Variants in DLGAP2 observed in about 807,000 individuals in gnomAD.
DLGAP2 encodes the protein DLG associated protein 2.
In DLGAP2, 26 loss-of-function variants were observed where a neutral mutation model predicts 100.3. The ratio of observed to expected loss-of-function variants is 0.26; its 90% confidence interval spans 0.19 to 0.36. The LOEUF (loss-of-function observed/expected upper bound fraction) is 0.36, where lower values mean the gene tolerates loss of function less well. Ranked by LOEUF, DLGAP2 falls within the 10% of genes least tolerant of loss-of-function variation. DLGAP2 has a pLI of 1.00. For missense variants in DLGAP2, 1,858 were observed against 1,453.2 expected, an observed-to-expected ratio of 1.28 and a Z score of -4.53; for synonymous variants, 886 against 630.1, an observed-to-expected ratio of 1.41 and a Z score of -6.08.
chr8:1,467,130 G>A (rs1402618074), intron 3 of DLGAP2, among the ~76,000 whole-genome samples: 1 of 151,760 alleles, frequency 6.6e-6, no homozygotes, highest in Non-Finnish European at 1.5e-5. Context: ...TCCGGCAGGG[G>A]CCTGGGAGGG....
intron 3 of DLGAP2, among the ~76,000 whole-genome samples, chr8:1,435,533 G>C (rs1797593731): frequency 6.6e-6 from 1 of 152,178 alleles, no homozygotes; most frequent in South Asian, 2.1e-4. Flanking sequence ...TGTAGCCGTA[G>C]AGGGATGCGC....
At chr8:1,304,334 G>A (rs1800439285) in intron 3 of DLGAP2, among the ~76,000 whole-genome samples, 1 of 152,208 alleles carries the variant, frequency 6.6e-6, no homozygotes, top group Non-Finnish European at 1.5e-5. Flanking sequence ...AGACGACACA[G>A]ATGTCTCACT....
At chr8:1,523,680 G>A (rs1800690488) in intron 4 of DLGAP2, among the ~76,000 whole-genome samples, 1 of 152,202 alleles carries the variant, frequency 6.6e-6, no homozygotes, top group Non-Finnish European at 1.5e-5. Flanking sequence ...GGAGCCGTCT[G>A]CATTTTATTT....
chr8:1,583,621 C>T (rs1796019836), intron 6 of DLGAP2, among the ~76,000 whole-genome samples: 4 of 152,200 alleles, frequency 2.6e-5, no homozygotes, highest in Non-Finnish European at 5.9e-5. Flanking sequence ...TCCTGTGTTT[C>T]TAAGCCCAGC....
intron 2 of DLGAP2, among the ~76,000 whole-genome samples, chr8:1,062,350 A>G (rs1803110029): frequency 6.6e-6 from 1 of 152,156 alleles, no homozygotes; most frequent in South Asian, 2.1e-4. Context: ...GGAGCCTCGG[A>G]GGCACACTCG....
chr8:1,539,868 C>T (rs993815674), intron 4 of DLGAP2, among the ~76,000 whole-genome samples: 43 of 139,210 alleles, frequency 3.1e-4, no homozygotes, highest in African/African-American at 1.2e-3. Flanking sequence ...CCTTCCCTGC[C>T]TTCTTCCTGT....
chr8:1,189,757 C>G lies in DLGAP2; in HGVS notation c.74-69094C>G, dbSNP rs373224300. On this transcript the variant is annotated intron_variant, in intron 2 of 14. Coordinates refer to ENST00000637795, the MANE Select transcript of DLGAP2 (RefSeq NM_001346810.2). ...CCAATAGGCATTTGTGTTCAGGACA[C>G]GGCAGATACAGCCGCCTGCCTGGGC... Among the ~76,000 whole-genome samples the G allele has an allele frequency of 1.4e-3, 207 of 152,230 alleles. 9 individuals are homozygous for G. The South Asian group carries it at 0.038, about 28-fold the overall frequency.
chr8:832,291 G>T (rs189581607), intron 1 of DLGAP2, among the ~76,000 whole-genome samples: 3 of 152,166 alleles, frequency 2.0e-5, no homozygotes, highest in African/African-American at 7.2e-5. Context: ...CCTTGCCCAT[G>T]CCTAAGTCCT....
chr8:1,652,446 G>C (rs937262614), intron 8 of DLGAP2, among the ~76,000 whole-genome samples: 1 of 152,154 alleles, frequency 6.6e-6, no homozygotes, highest in Non-Finnish European at 1.5e-5. Context: ...TGAAAAAAAG[G>C]AATAAATGAA....
At chr8:1,154,759 G>C (rs888583218) in intron 2 of DLGAP2, among the ~76,000 whole-genome samples, 2 of 152,074 alleles carry the variant, frequency 1.3e-5, no homozygotes, top group Admixed American at 6.5e-5. Flanking sequence ...TACTGTGGCC[G>C]GGCACCCTCT....
intron 2 of DLGAP2, among the ~76,000 whole-genome samples, chr8:1,258,507 ATGGATTGATGG>A (rs1009990051): frequency 3.3e-5 from 5 of 152,124 alleles, no homozygotes; most frequent in African/African-American, 9.7e-5. Flanking sequence ...AACCTGGATG[ATGGATTGATGG>A]TTGCAGCAAA....
In DLGAP2 at chr8:1,417,159, A is replaced by AGGC. The variant is rs1563133699; in HGVS notation, c.107-84207_107-84206insGGC. Among the ~76,000 whole-genome samples, 18 of 77,278 alleles carry AGGC rather than the reference A, an allele frequency of 2.3e-4. 2 individuals carry two copies. Among genetic ancestry groups the AGGC allele is most frequent in the East Asian group, 9.9e-4 (2 of 2,026 alleles). The allele number at this position is 77,278 out of a possible 152,430, so 50.7% of individuals were successfully genotyped here. ...TCTGAGGCGGGGGAGACTCTGAGTGAAGGGGAAGCCCCCGTTCATTTAGTG... is the reference window on the plus strand; with the variant it reads ...TCTGAGGCGGGGGAGACTCTGAGTGAGGCAGGGGAAGCCCCCGTTCATTTAGTG... On this transcript the variant is annotated intron_variant, in intron 3 of 14. Coordinates refer to ENST00000637795, the MANE Select transcript of DLGAP2 (RefSeq NM_001346810.2).
chr8:1,304,058 G>A (rs1207697587), intron 3 of DLGAP2, among the ~76,000 whole-genome samples: 1 of 152,236 alleles, frequency 6.6e-6, no homozygotes, highest in Non-Finnish European at 1.5e-5. Context: ...GACTGCAAAG[G>A]TCAGCAGCAG....
Position 795,303 on chromosome 8 carries a change from C to G in DLGAP2, c.18+57478C>G, listed in dbSNP as rs188336628. Among the ~76,000 whole-genome samples, 43 of 152,316 alleles carry G rather than the reference C, an allele frequency of 2.8e-4. No individual in the cohort carries two copies. In the Middle Eastern group the frequency reaches 0.01, roughly 36 times the overall value. ...CCTGATTTAATATCTACTGCTGACT[C>G]ATCAGTGCTGAACTCAGAGCTGACA... On this transcript the variant is annotated intron_variant, in intron 1 of 14. Coordinates refer to ENST00000637795, the MANE Select transcript of DLGAP2 (RefSeq NM_001346810.2).
chr8:1,214,112 C>T (rs981544379), intron 2 of DLGAP2, among the ~76,000 whole-genome samples: 2 of 152,284 alleles, frequency 1.3e-5, no homozygotes, highest in South Asian at 2.1e-4. Flanking sequence ...GGGGGCCTTG[C>T]GTCTTACCAC....
intron 3 of DLGAP2, among the ~76,000 whole-genome samples, chr8:1,336,488 C>G (rs1364962697): frequency 1.3e-5 from 2 of 152,180 alleles, no homozygotes; most frequent in African/African-American, 4.8e-5. Flanking sequence ...TGAGGACGTT[C>G]CAGTGTGCCA....
intron 1 of DLGAP2, among the ~76,000 whole-genome samples, chr8:862,026 A>C (rs944626132): frequency 2.0e-5 from 3 of 152,184 alleles, no homozygotes; most frequent in Admixed American, 1.3e-4. Flanking sequence ...AGAAATTCCA[A>C]CCTTCTGCAT....
chr8:1,286,060 C>G (rs1049690932), intron 3 of DLGAP2, among the ~76,000 whole-genome samples: 1 of 152,168 alleles, frequency 6.6e-6, no homozygotes, highest in East Asian at 1.9e-4. Flanking sequence ...GAAATCTCAC[C>G]TTGAGTTGTA....
At chr8:928,645 T>C (rs1798872397) in intron 2 of DLGAP2, among the ~76,000 whole-genome samples, 1 of 152,000 alleles carries the variant, frequency 6.6e-6, no homozygotes, top group South Asian at 2.1e-4. Context: ...GGGGAAGAAC[T>C]TGGTGATACT....
Sources: allele counts gnomAD v4.1 joint callset (sites outside exome capture counted in the v4.1 genomes callset), GRCh38; gene constraint gnomAD v4.1.1; transcripts MANE v1.5; gene names NCBI Gene and HGNC (gene_info 2026-07-23, HGNC 2026-07-21).